Variants in PKP4 observed in about 807,000 individuals in gnomAD.
The protein encoded by PKP4 is plakophilin-4.
A neutral mutation model predicts 145.1 loss-of-function variants in PKP4; 90 were observed. The ratio of observed to expected loss-of-function variants is 0.62; its 90% confidence interval spans 0.52 to 0.74. PKP4 has a LOEUF of 0.74. PKP4 is among the 30% of genes least tolerant of loss of function. The pLI, the probability that PKP4 is intolerant of heterozygous loss-of-function variation, is 0.00. For synonymous variants in PKP4, 563 were observed against 577.2 expected (o/e 0.98, Z 0.35); for missense variants, 1,340 against 1,482.7 (o/e 0.90, Z 1.58).
At chr2:158,598,638 G>A (rs1490386913) in intron 3 of PKP4, among the ~76,000 whole-genome samples, 3 of 152,082 alleles carry the variant, frequency 2.0e-5, no homozygotes, top group Admixed American at 6.5e-5. Flanking sequence ...GCATGGTAGC[G>A]GGCACCTGTA....
At chr2:158,614,950 T>C (rs747956812) in intron 4 of PKP4, among the ~76,000 whole-genome samples, 1 of 152,034 alleles carries the variant, frequency 6.6e-6, no homozygotes, top group Non-Finnish European at 1.5e-5. Flanking sequence ...CCCTCTATAA[T>C]TTCACATTTC....
At chr2:158,660,146 G>A (rs2056417137) in intron 12 of PKP4, 1 of 152,744 alleles carries the variant, frequency 6.5e-6, no homozygotes, top group South Asian at 2.1e-4. Context: ...TTGATGGGGG[G>A]AAGGGACAGG....
intron 6 of PKP4, among the ~76,000 whole-genome samples, chr2:158,622,288 G>A (rs1558902132): frequency 6.6e-6 from 1 of 151,766 alleles, no homozygotes; most frequent in Non-Finnish European, 1.5e-5. Context: ...TTAAGTTAGG[G>A]TTCTCTAACT....
intron 2 of PKP4, among the ~76,000 whole-genome samples, chr2:158,573,462 A>G (rs1031064476): frequency 6.6e-6 from 1 of 152,202 alleles, no homozygotes; most frequent in Admixed American, 6.5e-5. Context: ...ATTTTATTGT[A>G]TTTTAAAATA....
chr2:158,657,949 G>T (rs1369995400), intron 11 of PKP4, among the ~76,000 whole-genome samples, 182 bp from the exon 12 acceptor site: 1 of 152,094 alleles, frequency 6.6e-6, no homozygotes, highest in African/African-American at 2.4e-5. Context: ...GTAATATGTT[G>T]TCGGAGGCTC....
At chr2:158,613,069 C>T (rs1358337244) in intron 4 of PKP4, among the ~76,000 whole-genome samples, 1 of 152,156 alleles carries the variant, frequency 6.6e-6, no homozygotes, top group Non-Finnish European at 1.5e-5. Context: ...CCAGAGGTTC[C>T]TACACACTGC....
chr2:158,583,565 TTGTAG>T (rs1373549337), intron 3 of PKP4, among the ~76,000 whole-genome samples: 2 of 152,178 alleles, frequency 1.3e-5, no homozygotes, highest in African/African-American at 4.8e-5. Flanking sequence ...ATTCAACCCT[TTGTAG>T]TGTAGTTTTA....
intron 2 of PKP4, among the ~76,000 whole-genome samples, chr2:158,565,496 C>T (rs76541961): frequency 0.032 from 4,310 of 134,200 alleles, 163 homozygotes; most frequent in East Asian, 0.15. Flanking sequence ...AGTAACATTA[C>T]TTGTCTGCTC....
chr2:158,466,544 A>C (rs1559177474), intron 1 of PKP4, among the ~76,000 whole-genome samples: 1 of 146,860 alleles, frequency 6.8e-6, no homozygotes, highest in East Asian at 2.0e-4. Flanking sequence ...TAAAAATACA[A>C]AAAAAAAAAA....
rs1413287520 is a variant in PKP4 at position 158,621,741 on chromosome 2, G to A, written c.603+320G>A. Reference sequence around the variant, plus strand: ...AGCCTGGGCGACAGAGCGAGACTCCGTCTCAAAACAAAAAAAAAAAAAAGG... The same window carrying A: ...AGCCTGGGCGACAGAGCGAGACTCCATCTCAAAACAAAAAAAAAAAAAAGG... On this transcript the variant is annotated intron_variant, in intron 6 of 21. Coordinates refer to ENST00000389759, the MANE Select transcript of PKP4 (RefSeq NM_003628.6). 6.4e-5 allele frequency among the ~76,000 whole-genome samples: 9 copies of A among 140,850 alleles called. No homozygotes were observed. The South Asian group carries it at 1.1e-3, about 17-fold the overall frequency. 92.4% of individuals were successfully genotyped at this position (140,850 alleles called of 152,430 possible).
chr2:158,623,980 C>G (rs1004437048), intron 6 of PKP4, among the ~76,000 whole-genome samples: 2 of 152,174 alleles, frequency 1.3e-5, no homozygotes, highest in African/African-American at 4.8e-5. Context: ...GCTGTAACTG[C>G]AGGAATCAAC....
chr2:158,569,044 C>A (rs2047220135), intron 2 of PKP4, among the ~76,000 whole-genome samples: 1 of 152,154 alleles, frequency 6.6e-6, no homozygotes, highest in African/African-American at 2.4e-5. Flanking sequence ...CTTTGAAGTT[C>A]TCATCCACAC....
chr2:158,533,264 G>C lies in PKP4; in HGVS notation c.80G>C (p.Gly27Ala). 4 of 1,614,146 alleles carry C rather than the reference G, an allele frequency of 2.5e-6. No individual in the cohort carries two copies. Among genetic ancestry groups the C allele is most frequent in the Non-Finnish European group, 3.4e-6 (4 of 1,180,026 alleles). ...CAGGAAGCTGCCTCCACTGGCCCAG[G>C]CATGGAACCCGAGACCACAGCCACC... The part of the protein sequence containing the change: ...TRQEAASTGP[G>A]MEPETTATTI... The change falls in exon 2 of 22, where the codon GGC becomes GCC. Residue 27 changes from glycine (G) to alanine (A), a missense_variant. Gly to Ala is a moderately conservative substitution (Grantham distance 60). Coordinates refer to ENST00000389759, the MANE Select transcript of PKP4 (RefSeq NM_003628.6).
intron 11 of PKP4, among the ~76,000 whole-genome samples, chr2:158,653,128 A>G (rs2055554789): frequency 6.6e-6 from 1 of 152,350 alleles, no homozygotes; most frequent in South Asian, 2.1e-4. Flanking sequence ...CATGGCATAA[A>G]TTGAATGCTG....
At chr2:158,467,008 A>G (rs558905963) in intron 1 of PKP4, among the ~76,000 whole-genome samples, 35 of 152,370 alleles carry the variant, frequency 2.3e-4, no homozygotes, top group African/African-American at 8.4e-4. Context: ...AAAAATGCTA[A>G]GGGTTATTGG....
intron 7 of PKP4, among the ~76,000 whole-genome samples, chr2:158,629,538 G>A (rs1353628337): frequency 6.6e-6 from 1 of 152,144 alleles, no homozygotes; most frequent in Non-Finnish European, 1.5e-5. Flanking sequence ...GATTCGTTTA[G>A]TTTCTTTCCA....
chr2:158,568,809 A>G (rs2047200095), intron 2 of PKP4, among the ~76,000 whole-genome samples: 1 of 152,114 alleles, frequency 6.6e-6, no homozygotes, highest in African/African-American at 2.4e-5. Flanking sequence ...CCCCATCTCT[A>G]CTAAAAATAA....
chr2:158,626,063 T>A (rs1264635650), intron 7 of PKP4, among the ~76,000 whole-genome samples: 2 of 152,224 alleles, frequency 1.3e-5, no homozygotes, highest in Non-Finnish European at 2.9e-5. Flanking sequence ...TTGGTTATTT[T>A]AAATAAAATG....
At chr2:158,474,973 A>G (rs976724530) in intron 1 of PKP4, among the ~76,000 whole-genome samples, 1 of 152,212 alleles carries the variant, frequency 6.6e-6, no homozygotes, top group Non-Finnish European at 1.5e-5. Flanking sequence ...ACTAGTGTCC[A>G]GCATCATCTG....
Sources: gnomAD v4.1 joint callset for allele counts (sites outside exome capture counted in the v4.1 genomes callset) on GRCh38, gnomAD v4.1.1 for gene constraint, MANE v1.5 for transcripts, NCBI Gene and HGNC (gene_info 2026-07-23, HGNC 2026-07-21) for gene names.